The following SLCO1B3 variants were observed in gnomAD, a reference collection of about 807,000 sequenced individuals.
SLCO1B3 encodes the protein solute carrier organic anion transporter family member 1B3, also known as liver-specific organic anion transporter 2.
Under a neutral mutation model 71.8 loss-of-function variants are expected in SLCO1B3, and 72 were observed. That is an observed-to-expected ratio of 1.00 (90% CI 0.83 to 1.22). SLCO1B3 has a LOEUF of 1.22. Ranked by LOEUF, SLCO1B3 falls within the 50% of genes most tolerant of loss-of-function variation. SLCO1B3 has a pLI of 0.00. For synonymous variants in SLCO1B3, 298 were observed against 278.4 expected (o/e 1.07, Z -0.70); for missense variants, 911 against 819.7 (o/e 1.11, Z -1.36).
chr12:20,855,005 A>AT (rs1206493576), intron 3 of SLCO1B3, 23 bp from the exon 4 acceptor site: 1 of 1,602,508 alleles, frequency 6.2e-7, no homozygotes, highest in African/African-American at 1.4e-5. Context: ...ACCAATTTTC[A>AT]TTTTTTCTTC....
rs779954605 is a variant in SLCO1B3 at position 20,833,602 on chromosome 12, CTATA to C, written c.84+17785_84+17788del. ...TATATACATATATTGCATATATACACTATATATAGTATATAAAATAGAGTATGTA... is the reference window on the plus strand; with the variant it reads ...TATATACATATATTGCATATATACACTATAGTATATAAAATAGAGTATGTA... On this transcript the variant is annotated intron_variant, in intron 3 of 15. Coordinates refer to ENST00000381545, the MANE Select transcript of SLCO1B3 (RefSeq NM_019844.4). Among the ~76,000 whole-genome samples the C allele has an allele frequency of 2.2e-4, 33 of 147,634 alleles. No homozygotes were observed. In the Middle Eastern group the frequency reaches 0.012, roughly 55 times the overall value.
intron 15 of SLCO1B3, among the ~76,000 whole-genome samples, chr12:20,903,799 C>T (rs932420951): frequency 6.6e-6 from 1 of 152,142 alleles, no homozygotes; most frequent in Admixed American, 6.5e-5. Flanking sequence ...ATCTCCTGTT[C>T]TTCTCATATT....
chr12:20,818,387 T>A (rs1444907924), intron 3 of SLCO1B3, among the ~76,000 whole-genome samples: 1 of 152,154 alleles, frequency 6.6e-6, no homozygotes, highest in Non-Finnish European at 1.5e-5. Context: ...AGGAATTATG[T>A]CTGACAGAAG....
intron 5 of SLCO1B3, among the ~76,000 whole-genome samples, chr12:20,859,373 A>G (rs1865207183): frequency 2.0e-5 from 3 of 152,292 alleles, no homozygotes; most frequent in East Asian, 1.9e-4. Flanking sequence ...TTCTGTTACT[A>G]TGGAAGGAGA....
At chr12:20,856,116 T>C (rs890523294) in intron 4 of SLCO1B3, among the ~76,000 whole-genome samples, 13 of 152,344 alleles carry the variant, frequency 8.5e-5, no homozygotes, top group African/African-American at 3.1e-4. Flanking sequence ...TCATCTAGAA[T>C]TTTAGAATTG....
chr12:20,829,417 T>G (rs1380111004), intron 3 of SLCO1B3, among the ~76,000 whole-genome samples: 2 of 151,944 alleles, frequency 1.3e-5, no homozygotes, highest in Non-Finnish European at 2.9e-5. Flanking sequence ...TTGGTCTCCT[T>G]CATCATCATG....
chr12:20,915,466 G>A lies in SLCO1B3; in HGVS notation c.1866-538G>A, dbSNP rs895838076. On this transcript the variant is annotated intron_variant, in intron 15 of 15. Coordinates refer to ENST00000381545, the MANE Select transcript of SLCO1B3 (RefSeq NM_019844.4). ...ATATTCCCTGACATATCTGGGTCTG[G>A]TTTTAAGTCTTATTCTTTTCAGACT... Among the ~76,000 whole-genome samples the A allele has an allele frequency of 2.6e-5, 4 of 152,100 alleles. No individual in the cohort carries two copies. In the East Asian group the frequency reaches 7.7e-4, roughly 29 times the overall value.
At chr12:20,848,999 G>T (rs1174893976) in intron 3 of SLCO1B3, among the ~76,000 whole-genome samples, 1 of 152,026 alleles carries the variant, frequency 6.6e-6, no homozygotes, top group Non-Finnish European at 1.5e-5. Flanking sequence ...TGGTTCATCA[G>T]TGTAAACAAA....
chr12:20,904,090 A>G (rs949492507), intron 15 of SLCO1B3, among the ~76,000 whole-genome samples: 1 of 151,976 alleles, frequency 6.6e-6, no homozygotes, highest in Non-Finnish European at 1.5e-5. Flanking sequence ...ATACCAAAAA[A>G]TTAGCCAGGC....
intron 4 of SLCO1B3, among the ~76,000 whole-genome samples, chr12:20,855,376 C>A (rs908241911): frequency 1.3e-5 from 2 of 152,132 alleles, no homozygotes; most frequent in African/African-American, 4.8e-5. Context: ...GTCAGGTATG[C>A]TGCTAAACAC....
chr12:20,899,347 T>C lies in SLCO1B3; in HGVS notation c.1747+847T>C, dbSNP rs145005326. On this transcript the variant is annotated intron_variant, in intron 14 of 15. Transcript: ENST00000381545. ...GAAAAGGGCATCATTCATCTAGGGA[T>C]TGGTGCAGAGGACTGATTATGGTCC... Among the ~76,000 whole-genome samples, 413 of 152,206 alleles carry C rather than the reference T, an allele frequency of 2.7e-3. 1 individual carries two copies. Among genetic ancestry groups the C allele is most frequent in the African/African-American group, 9.6e-3 (399 of 41,522 alleles).
intron 15 of SLCO1B3, among the ~76,000 whole-genome samples, chr12:20,910,176 A>G (rs1332371083): frequency 2.6e-5 from 4 of 152,174 alleles, no homozygotes; most frequent in African/African-American, 9.7e-5. Flanking sequence ...GCATGTGGAT[A>G]TCTAATTGTT....
chr12:20,876,372 G>A (rs1865578481), intron 9 of SLCO1B3, among the ~76,000 whole-genome samples: 1 of 152,196 alleles, frequency 6.6e-6, no homozygotes, highest in South Asian at 2.1e-4. Context: ...AGTAAAACCT[G>A]AAGCAGTGCA....
At chr12:20,829,886 G>A (rs1378306819) in intron 3 of SLCO1B3, among the ~76,000 whole-genome samples, 5 of 152,128 alleles carry the variant, frequency 3.3e-5, no homozygotes, top group Non-Finnish European at 5.9e-5. Context: ...TGGCGCTGGT[G>A]GGAGTGTAGC....
intron 3 of SLCO1B3, among the ~76,000 whole-genome samples, chr12:20,849,945 G>A (rs1239785890): frequency 1.3e-5 from 2 of 150,874 alleles, no homozygotes; most frequent in African/African-American, 4.9e-5. Flanking sequence ...AGTGTTTATA[G>A]ATTATAAAAT....
In SLCO1B3 at chr12:20,851,329, TTTG is replaced by T. The variant is rs1428927105; in HGVS notation, c.85-3693_85-3691del. ...CAACTTTTTCACATACTTATTAACA[TTTG>T]TTGTTTTTCTTTGAATAGTGAGTAT... On this transcript the variant is annotated intron_variant, in intron 3 of 15. Coordinates refer to ENST00000381545, the MANE Select transcript of SLCO1B3 (RefSeq NM_019844.4). Among the ~76,000 whole-genome samples the T allele has an allele frequency of 1.4e-4, 22 of 152,234 alleles. No individual in the cohort carries two copies. In the South Asian group the frequency reaches 3.9e-3, roughly 27 times the overall value.
chr12:20,871,543 A>G (rs139264055), intron 8 of SLCO1B3, among the ~76,000 whole-genome samples: 27 of 152,224 alleles, frequency 1.8e-4, no homozygotes, highest in Non-Finnish European at 2.9e-4. Flanking sequence ...GTTTTTGCCT[A>G]TCCTTCTTTA....
chr12:20,814,965 C>T (rs1193041290), intron 2 of SLCO1B3, among the ~76,000 whole-genome samples: 1 of 137,254 alleles, frequency 7.3e-6, no homozygotes, highest in Non-Finnish European at 1.5e-5. Context: ...CAGAATCTTG[C>T]CTTTTCTTTT....
At chr12:20,909,977 A>G (rs975809358) in intron 15 of SLCO1B3, among the ~76,000 whole-genome samples, 10 of 152,312 alleles carry the variant, frequency 6.6e-5, no homozygotes, top group African/African-American at 2.2e-4. Context: ...TTTAAATTGT[A>G]ATGAAGTCCT....
Sources: allele counts gnomAD v4.1 joint callset (sites outside exome capture counted in the v4.1 genomes callset), GRCh38; gene constraint gnomAD v4.1.1; transcripts MANE v1.5; gene names NCBI Gene and HGNC (gene_info 2026-07-23, HGNC 2026-07-21).